KSR2: variants seen among roughly 807,000 people sequenced by gnomAD.
The protein encoded by KSR2 is kinase suppressor of ras 2.
In KSR2, 25 loss-of-function variants were observed where a neutral mutation model predicts 107.8. The observed-to-expected ratio is 0.23, with a 90% CI of 0.17 to 0.32. KSR2 has a LOEUF of 0.32. KSR2 is among the 10% of genes least tolerant of loss of function. The pLI, the probability that KSR2 is intolerant of heterozygous loss-of-function variation, is 1.00. For synonymous variants in KSR2, 480 were observed against 507.0 expected (o/e 0.95, Z 0.71); for missense variants, 887 against 1,268.9 (o/e 0.70, Z 4.57).
Position 117,667,469 on chromosome 12 carries a change from C to T in KSR2, c.1171+5G>A, listed in dbSNP as rs552882849. Reference sequence around the variant, plus strand: ...TTCCCAGTGCAGCCCGGCAGGGTGACTTACTTGCAGAGAAGTTGGCCTCAG... The same window carrying T: ...TTCCCAGTGCAGCCCGGCAGGGTGATTTACTTGCAGAGAAGTTGGCCTCAG... On this transcript the variant is annotated splice_donor_5th_base_variant and intron_variant, in intron 5 of 19. Transcript: ENST00000339824. 1 of 1,608,614 alleles carries T rather than the reference C, an allele frequency of 6.2e-7. No individual in the cohort carries two copies. The highest frequency in any genetic ancestry group is 1.3e-5 in the African/African-American group (1 of 74,962).
At chr12:117,589,699 G>A (rs1471181632) in intron 5 of KSR2, among the ~76,000 whole-genome samples, 2 of 152,224 alleles carry the variant, frequency 1.3e-5, no homozygotes, top group African/African-American at 2.4e-5. Context: ...AGCTGCTCAT[G>A]ATATCATTCA....
At chr12:117,791,217 C>A (rs1481126252) in intron 3 of KSR2, among the ~76,000 whole-genome samples, 1 of 151,714 alleles carries the variant, frequency 6.6e-6, no homozygotes, top group Non-Finnish European at 1.5e-5. Flanking sequence ...TGCTTCCTAT[C>A]TGCAAAGCTC....
chr12:117,798,427 G>T (rs977525587), intron 3 of KSR2, among the ~76,000 whole-genome samples: 1 of 152,174 alleles, frequency 6.6e-6, no homozygotes, highest in East Asian at 1.9e-4. Flanking sequence ...GAGGCCAGGA[G>T]TTGGAGACCA....
chr12:117,804,053 T>G (rs1890927942), intron 3 of KSR2, among the ~76,000 whole-genome samples: 3 of 152,352 alleles, frequency 2.0e-5, no homozygotes, highest in Middle Eastern at 6.8e-3. Flanking sequence ...TATTGTTTTT[T>G]GGGGTTTGAG....
At chr12:117,546,197 C>T (rs183215528) in intron 9 of KSR2, among the ~76,000 whole-genome samples, 1 of 152,246 alleles carries the variant, frequency 6.6e-6, no homozygotes, top group East Asian at 1.9e-4. Context: ...CTGACAATGT[C>T]TTGATTTCTC....
intron 3 of KSR2, among the ~76,000 whole-genome samples, chr12:117,793,396 C>A (rs927548586): frequency 2.0e-5 from 3 of 148,658 alleles, no homozygotes; most frequent in Non-Finnish European, 3.0e-5. Context: ...TGCACCCATA[C>A]CAACATGCAC....
intron 5 of KSR2, among the ~76,000 whole-genome samples, chr12:117,618,131 C>T (rs977426912): frequency 6.6e-6 from 1 of 152,066 alleles, no homozygotes; most frequent in African/African-American, 2.4e-5. Flanking sequence ...TTATCTTTCT[C>T]CACAGAGGAT....
intron 4 of KSR2, among the ~76,000 whole-genome samples, chr12:117,730,747 T>C (rs1324465763): frequency 2.6e-5 from 4 of 152,200 alleles, no homozygotes; most frequent in Non-Finnish European, 5.9e-5. Flanking sequence ...TGACCGCGAG[T>C]GATCTGCCCG....
intron 1 of KSR2, among the ~76,000 whole-genome samples, chr12:117,959,387 C>T (rs140258468): frequency 6.6e-6 from 1 of 152,290 alleles, no homozygotes; most frequent in Non-Finnish European, 1.5e-5. Flanking sequence ...CTTGATTCTC[C>T]TTCACATCCA....
At chr12:117,960,151 A>G (rs1395207922) in intron 1 of KSR2, among the ~76,000 whole-genome samples, 1 of 152,172 alleles carries the variant, frequency 6.6e-6, no homozygotes, top group East Asian at 1.9e-4. Context: ...TCTTCCCCCA[A>G]ATATTTCATG....
intron 5 of KSR2, among the ~76,000 whole-genome samples, chr12:117,623,232 GT>G (rs574118654): frequency 6.6e-6 from 1 of 151,904 alleles, no homozygotes; most frequent in Non-Finnish European, 1.5e-5. Context: ...ATGCCTTTGG[GT>G]TTTTTTTAAT....
Position 117,454,552 on chromosome 12 carries a change from G to A in KSR2, c.*12647C>T, listed in dbSNP as rs1299118524. On this transcript the variant is annotated 3_prime_UTR_variant, in exon 20 of 20. Transcript: ENST00000339824. ...TTCCCACACTTCAGGCTGTATTGCA[G>A]GCTTGGCCTGTGGCCCACTATGGCC... 1.3e-5 allele frequency: 2 copies of A among 152,248 alleles called. No homozygotes were observed. Among genetic ancestry groups the A allele is most frequent in the African/African-American group, 4.8e-5 (2 of 41,462 alleles). The allele number at this position is 152,248 out of a possible 1,614,324, so 9.4% of individuals were successfully genotyped here. A position where few individuals can be genotyped will look rare whatever the true frequency, so the allele number is the denominator to read the frequency against.
chr12:117,643,055 T>C (rs561936623), intron 5 of KSR2, among the ~76,000 whole-genome samples: 45 of 152,332 alleles, frequency 3.0e-4, no homozygotes, highest in South Asian at 2.3e-3. Flanking sequence ...TCTAGAGAAA[T>C]GGTTTCTGAC....
intron 14 of KSR2, among the ~76,000 whole-genome samples, chr12:117,516,845 G>T (rs1874407674): frequency 6.6e-6 from 1 of 152,186 alleles, no homozygotes; most frequent in African/African-American, 2.4e-5. Context: ...TATCCATAAA[G>T]ATGAATGTGT....
At chr12:117,532,306 T>G (rs1240330684) in intron 10 of KSR2, among the ~76,000 whole-genome samples, 3 of 152,170 alleles carry the variant, frequency 2.0e-5, no homozygotes, top group African/African-American at 7.2e-5. Flanking sequence ...CCTTGTCTTT[T>G]CCGTTGTTTG....
At chr12:117,616,571 C>G (rs755466060) in intron 5 of KSR2, among the ~76,000 whole-genome samples, 7 of 152,200 alleles carry the variant, frequency 4.6e-5, no homozygotes, top group Non-Finnish European at 8.8e-5. Context: ...CTACTAAATA[C>G]TGGTCAGTGA....
chr12:117,599,247 C>G (rs1388869859), intron 5 of KSR2, among the ~76,000 whole-genome samples: 1 of 152,166 alleles, frequency 6.6e-6, no homozygotes, highest in African/African-American at 2.4e-5. Flanking sequence ...AGTTGCATCT[C>G]AGCCATTTAA....
Position 117,668,067 on chromosome 12 carries a change from G to A in KSR2, c.987-409C>T, listed in dbSNP as rs560084454. ...ATTTGACAAAAACAGCAAATCCCAG[G>A]CTGTCCTCAAGTGAGTCCAGATCTG... is the stretch of plus-strand genomic sequence containing the variant. On this transcript the variant is annotated intron_variant, in intron 4 of 19. Transcript: ENST00000339824. 1.9e-4 allele frequency among the ~76,000 whole-genome samples: 29 copies of A among 152,298 alleles called. No individual in the cohort carries two copies. In the East Asian group the frequency reaches 4.8e-3, roughly 25 times the overall value.
intron 3 of KSR2, among the ~76,000 whole-genome samples, chr12:117,793,349 G>A (rs1890361644): frequency 7.9e-6 from 1 of 127,084 alleles, no homozygotes; most frequent in Non-Finnish European, 1.6e-5. Context: ...ACACCAGCAT[G>A]CACACACCCT....
Sources: allele counts gnomAD v4.1 joint callset (sites outside exome capture counted in the v4.1 genomes callset), GRCh38; gene constraint gnomAD v4.1.1; transcripts MANE v1.5; gene names NCBI Gene and HGNC (gene_info 2026-07-23, HGNC 2026-07-21).